The following RAPGEF6 variants were observed in gnomAD, a reference collection of about 807,000 sequenced individuals.
The protein encoded by RAPGEF6 is Rap guanine nucleotide exchange factor 6.
A neutral mutation model predicts 171.4 loss-of-function variants in RAPGEF6; 56 were observed. The observed-to-expected ratio is 0.33, with a 90% CI of 0.26 to 0.41. The LOEUF (loss-of-function observed/expected upper bound fraction) is 0.41. RAPGEF6 is among the 10% of genes least tolerant of loss of function. The pLI is 1.00. For missense variants in RAPGEF6, 1,674 were observed against 1,921.4 expected, an observed-to-expected ratio of 0.87 and a Z score of 2.41; for synonymous variants, 692 against 650.1, an observed-to-expected ratio of 1.06 and a Z score of -0.98.
chr5:131,609,364 AG>A (rs1337929039), intron 1 of RAPGEF6, among the ~76,000 whole-genome samples: 1 of 152,214 alleles, frequency 6.6e-6, no homozygotes, highest in Non-Finnish European at 1.5e-5. Flanking sequence ...CAAAAAGATC[AG>A]GGACAAGGAG....
intron 9 of RAPGEF6, among the ~76,000 whole-genome samples, chr5:131,506,851 T>C (rs1311372528): frequency 2.6e-5 from 4 of 151,968 alleles, no homozygotes; most frequent in Non-Finnish European, 5.9e-5. Flanking sequence ...AGCTTATTTC[T>C]CTCTTATGTA....
intron 3 of RAPGEF6, among the ~76,000 whole-genome samples, chr5:131,593,499 T>A (rs1379909313): frequency 6.6e-6 from 1 of 152,216 alleles, no homozygotes; most frequent in East Asian, 1.9e-4. Flanking sequence ...GGGCAGAGGC[T>A]GGAATGGTTT....
Position 131,504,704 on chromosome 5 carries a change from T to C in RAPGEF6, c.1176A>G (p.Glu392=). The change falls in exon 11 of 28, where the codon GAA becomes GAG. Residue 392 remains glutamate, a synonymous_variant. Transcript: ENST00000509018. ...CATGTACCATAACAATTTCTCCCTC[T>C]TCCTCAACTTTATGGGTATTTTTTT... is the stretch of plus-strand genomic sequence containing the variant. ...HVEKNTHKVE[E]EGEIVMVHEH... The C allele has an allele frequency of 6.2e-7, 1 of 1,614,010 alleles. No individual in the cohort carries two copies. Among genetic ancestry groups the C allele is most frequent in the Non-Finnish European group, 8.5e-7 (1 of 1,179,940 alleles).
intron 4 of RAPGEF6, among the ~76,000 whole-genome samples, chr5:131,572,420 C>G (rs890789607): frequency 6.6e-6 from 1 of 152,132 alleles, no homozygotes; most frequent in African/African-American, 2.4e-5. Flanking sequence ...CAGGTAGAGA[C>G]AAAAAGGAGA....
chr5:131,456,664 G>C (rs866414389), intron 19 of RAPGEF6, among the ~76,000 whole-genome samples: 1 of 152,188 alleles, frequency 6.6e-6, no homozygotes, highest in African/African-American at 2.4e-5. Context: ...ACATAGGTAG[G>C]TTGCCAAATG....
chr5:131,530,746 T>G (rs558493270), intron 6 of RAPGEF6, among the ~76,000 whole-genome samples: 2 of 152,324 alleles, frequency 1.3e-5, no homozygotes, highest in African/African-American at 4.8e-5. Flanking sequence ...CCATATTTGT[T>G]AAATCTGGGA....
chr5:131,564,305 G>C (rs1761791180), intron 4 of RAPGEF6, among the ~76,000 whole-genome samples: 1 of 152,140 alleles, frequency 6.6e-6, no homozygotes, highest in South Asian at 2.1e-4. Flanking sequence ...TTTGAAGAAA[G>C]GTCCTCTTGA....
chr5:131,519,253 C>A (rs1758311407), intron 7 of RAPGEF6, among the ~76,000 whole-genome samples: 1 of 152,174 alleles, frequency 6.6e-6, no homozygotes, highest in Non-Finnish European at 1.5e-5. Context: ...AGTATCTTTG[C>A]AAAGATGTAG....
chr5:131,505,320 T>C, intron 10 of RAPGEF6, 44 bp downstream of exon 10: 2 of 1,601,138 alleles, frequency 1.2e-6, no homozygotes, highest in Non-Finnish European at 1.7e-6. Context: ...CTCAGCTACT[T>C]TAAACCAACA....
At chr5:131,603,049 T>C (rs1314629609) in intron 3 of RAPGEF6, among the ~76,000 whole-genome samples, 1 of 152,234 alleles carries the variant, frequency 6.6e-6, no homozygotes, top group East Asian at 1.9e-4. Flanking sequence ...CTGGTATCTC[T>C]ATTTTCATCT....
In RAPGEF6 at chr5:131,499,320, C is replaced by T. The variant is rs550545304; in HGVS notation, c.1255-713G>A. Reference sequence around the variant, plus strand: ...CAGGCTGGGCGTGGTGTGGCTCATGCCTGTAATCCCAGCACTTTGGGAGGC... The same window carrying T: ...CAGGCTGGGCGTGGTGTGGCTCATGTCTGTAATCCCAGCACTTTGGGAGGC... On this transcript the variant is annotated intron_variant, in intron 11 of 27. Coordinates refer to ENST00000509018, the MANE Select transcript of RAPGEF6 (RefSeq NM_016340.6). Among the ~76,000 whole-genome samples, 35 of 152,202 alleles carry T rather than the reference C, an allele frequency of 2.3e-4. No individual in the cohort carries two copies. In the East Asian group the frequency reaches 6.6e-3, roughly 29 times the overall value.
chr5:131,522,665 T>TAC (rs746434684), intron 6 of RAPGEF6, among the ~76,000 whole-genome samples: 4 of 151,792 alleles, frequency 2.6e-5, no homozygotes, highest in South Asian at 4.2e-4. Context: ...CATACATACA[T>TAC]ACACACACAC....
In RAPGEF6 at chr5:131,427,195, G is replaced by T; in HGVS notation, c.*71C>A. 7.1e-7 allele frequency: 1 copy of T among 1,411,518 alleles called. No homozygotes were observed. Among genetic ancestry groups the T allele is most frequent in the Non-Finnish European group, 1.0e-6 (1 of 995,824 alleles). 87.4% of individuals were successfully genotyped at this position (1,411,518 alleles called of 1,614,324 possible). A position where few individuals can be genotyped will look rare whatever the true frequency, so the allele number is the denominator to read the frequency against. Reference sequence around the variant, plus strand: ...ATGAGCTGTTCGTTAGCAATGGCCTGCAGAATCATGAGGTGGTTCTTGCCC... The same window carrying T: ...ATGAGCTGTTCGTTAGCAATGGCCTTCAGAATCATGAGGTGGTTCTTGCCC... On this transcript the variant is annotated 3_prime_UTR_variant, in exon 28 of 28. Coordinates refer to ENST00000509018, the MANE Select transcript of RAPGEF6 (RefSeq NM_016340.6).
intron 6 of RAPGEF6, among the ~76,000 whole-genome samples, chr5:131,544,125 C>T (rs1419497590): frequency 2.6e-5 from 4 of 152,120 alleles, no homozygotes; most frequent in Non-Finnish European, 5.9e-5. Context: ...AACAGCCACA[C>T]TAAATAACAA....
chr5:131,467,226 C>T (rs1035224382), intron 17 of RAPGEF6, among the ~76,000 whole-genome samples: 3 of 152,204 alleles, frequency 2.0e-5, no homozygotes, highest in African/African-American at 7.2e-5. Flanking sequence ...CATAGTGTTA[C>T]AAAGTCATAC....
intron 4 of RAPGEF6, among the ~76,000 whole-genome samples, chr5:131,578,376 T>A (rs116177446): frequency 1.8e-4 from 28 of 152,270 alleles, no homozygotes; most frequent in African/African-American, 6.5e-4. Flanking sequence ...ATGTCCCCAC[T>A]CTATAGGCTG....
intron 6 of RAPGEF6, among the ~76,000 whole-genome samples, chr5:131,525,534 T>C (rs779315249): frequency 2.2e-4 from 34 of 152,160 alleles, no homozygotes; most frequent in Admixed American, 2.0e-4. Context: ...TTTATAGCTC[T>C]ACTATGTATA....
chr5:131,580,349 G>A (rs892351206), intron 4 of RAPGEF6, among the ~76,000 whole-genome samples: 2 of 152,074 alleles, frequency 1.3e-5, no homozygotes, highest in East Asian at 3.9e-4. Context: ...CCAAGCCCAC[G>A]CCCACCCGGA....
chr5:131,544,039 T>C (rs1385783035), intron 6 of RAPGEF6, among the ~76,000 whole-genome samples: 2 of 151,734 alleles, frequency 1.3e-5, no homozygotes, highest in African/African-American at 2.4e-5. Flanking sequence ...ATAATAATAA[T>C]AAAATCTGAC....
Sources: allele counts gnomAD v4.1 joint callset (sites outside exome capture counted in the v4.1 genomes callset), GRCh38; gene constraint gnomAD v4.1.1; transcripts MANE v1.5; gene names NCBI Gene and HGNC (gene_info 2026-07-23, HGNC 2026-07-21).